Variants in SH3RF3 observed in about 807,000 individuals in gnomAD.
SH3RF3 encodes E3 ubiquitin-protein ligase SH3RF3.
A neutral mutation model predicts 66.3 loss-of-function variants in SH3RF3; 29 were observed. The observed-to-expected ratio is 0.44, with a 90% CI of 0.33 to 0.60. The LOEUF (loss-of-function observed/expected upper bound fraction) is 0.60. SH3RF3 is among the 20% of genes least tolerant of loss of function. The pLI is 0.04. For synonymous variants in SH3RF3, 583 were observed against 532.0 expected (o/e 1.10, Z -1.32); for missense variants, 1,194 against 1,190.9 (o/e 1.00, Z -0.04).
At chr2:109,456,163 GA>G (rs938868669) in intron 8 of SH3RF3, among the ~76,000 whole-genome samples, 6 of 152,196 alleles carry the variant, frequency 3.9e-5, no homozygotes, top group African/African-American at 1.4e-4. Context: ...ATGGGCCATG[GA>G]AACCACCTCT....
chr2:109,129,582 C>G lies in SH3RF3; in HGVS notation c.42C>G (p.Ala14=), dbSNP rs189197650. 1.6e-3 allele frequency: 2,400 copies of G among 1,483,766 alleles called. 43 individuals are homozygous for G. In the African/African-American group the frequency reaches 0.032, roughly 20 times the overall value. 91.9% of individuals were successfully genotyped at this position (1,483,766 alleles called of 1,614,324 possible). ...GASWLCASKA[A]AAAAQSEGDE... is the part of the protein sequence containing the mutation. ...CCTGGCTGTGCGCATCCAAGGCGGC[C>G]GCCGCTGCTGCGCAGAGCGAGGGCG... Residue 14 remains alanine (A), a synonymous_variant, in exon 1 of 10, where the codon GCC becomes GCG. Coordinates refer to ENST00000309415, the MANE Select transcript of SH3RF3 (RefSeq NM_001099289.3).
chr2:109,440,309 C>T (rs1677525153), intron 7 of SH3RF3, among the ~76,000 whole-genome samples: 2 of 152,128 alleles, frequency 1.3e-5, no homozygotes, highest in Admixed American at 6.5e-5. Flanking sequence ...AGCTCTTGGG[C>T]CGCCGAGGCC....
At chr2:109,424,441 C>A (rs190846499) in intron 5 of SH3RF3, among the ~76,000 whole-genome samples, 1 of 151,978 alleles carries the variant, frequency 6.6e-6, no homozygotes, top group Non-Finnish European at 1.5e-5. Flanking sequence ...AACCTCATTT[C>A]ATCGCACTTC....
chr2:109,143,767 C>CAAAACA (rs201205812), intron 1 of SH3RF3, among the ~76,000 whole-genome samples: 2 of 44,046 alleles, frequency 4.5e-5, no homozygotes, highest in Admixed American at 2.0e-4. Context: ...CAAAACAAAA[C>CAAAACA]AAACAAACAA....
chr2:109,240,942 C>G (rs1424338697), intron 1 of SH3RF3, among the ~76,000 whole-genome samples: 1 of 147,488 alleles, frequency 6.8e-6, no homozygotes, highest in Non-Finnish European at 1.5e-5. Flanking sequence ...TCTTCTTTCT[C>G]CCTCACCTCC....
chr2:109,463,922 T>A (rs1678270713), intron 8 of SH3RF3, among the ~76,000 whole-genome samples: 1 of 151,796 alleles, frequency 6.6e-6, no homozygotes, highest in South Asian at 2.1e-4. Flanking sequence ...ACATTTAGAG[T>A]CTTCTCTTAG....
intron 3 of SH3RF3, among the ~76,000 whole-genome samples, chr2:109,394,179 T>C (rs1191941454): frequency 2.6e-5 from 4 of 152,258 alleles, no homozygotes; most frequent in Non-Finnish European, 4.4e-5. Flanking sequence ...TAGACAGTTC[T>C]GTGGTTGGAA....
chr2:109,393,518 A>G (rs887432881), intron 3 of SH3RF3, among the ~76,000 whole-genome samples: 1 of 152,178 alleles, frequency 6.6e-6, no homozygotes, highest in African/African-American at 2.4e-5. Context: ...AGCAGAGCCC[A>G]GGACACAGTA....
At chr2:109,250,453 C>G (rs755872509) in intron 1 of SH3RF3, among the ~76,000 whole-genome samples, 6 of 151,596 alleles carry the variant, frequency 4.0e-5, no homozygotes, top group Admixed American at 3.9e-4. Context: ...TTGATATACT[C>G]GGAAAACTTA....
intron 1 of SH3RF3, among the ~76,000 whole-genome samples, chr2:109,334,796 C>G (rs955115580): frequency 2.0e-5 from 3 of 152,018 alleles, no homozygotes; most frequent in Non-Finnish European, 2.9e-5. Context: ...TTTTCTCTCT[C>G]CTTCTCCAAC....
At chr2:109,147,557 A>G (rs1382728503) in intron 1 of SH3RF3, among the ~76,000 whole-genome samples, 1 of 152,228 alleles carries the variant, frequency 6.6e-6, no homozygotes, top group Non-Finnish European at 1.5e-5. Context: ...AGTACCGTAA[A>G]TGGTCCAAAA....
chr2:109,232,248 C>G (rs1026480439), intron 1 of SH3RF3, among the ~76,000 whole-genome samples: 6 of 152,234 alleles, frequency 3.9e-5, no homozygotes, highest in African/African-American at 1.4e-4. Context: ...AGGAGAATTA[C>G]AGTTCCCCAT....
At chr2:109,337,360 A>G (rs1200402503) in intron 1 of SH3RF3, among the ~76,000 whole-genome samples, 1 of 152,196 alleles carries the variant, frequency 6.6e-6, no homozygotes, top group Non-Finnish European at 1.5e-5. Flanking sequence ...CCCTGCTCCC[A>G]TCTGTCCTGT....
At chr2:109,449,111 A>G in intron 7 of SH3RF3, 59 bp from the exon 8 acceptor site, 1 of 1,540,954 alleles carries the variant, frequency 6.5e-7, no homozygotes, top group Non-Finnish European at 8.8e-7. Context: ...GCTGCCTGGC[A>G]GGCATGGCAA....
intron 1 of SH3RF3, among the ~76,000 whole-genome samples, chr2:109,181,227 G>A (rs1678066548): frequency 6.6e-6 from 1 of 152,084 alleles, no homozygotes; most frequent in Non-Finnish European, 1.5e-5. Flanking sequence ...TGGAAAAGTT[G>A]AGAAAACAGA....
At chr2:109,148,572 A>G (rs1284597338) in intron 1 of SH3RF3, among the ~76,000 whole-genome samples, 2 of 152,216 alleles carry the variant, frequency 1.3e-5, no homozygotes, top group African/African-American at 4.8e-5. Context: ...GATGAGTAAT[A>G]GACCCCATTA....
chr2:109,159,522 C>T (rs951700797), intron 1 of SH3RF3, among the ~76,000 whole-genome samples: 6 of 152,192 alleles, frequency 3.9e-5, no homozygotes, highest in African/African-American at 1.4e-4. Flanking sequence ...CCTTGTTGCT[C>T]ACAGCTTATT....
chr2:109,257,125 G>A (rs1048366230), intron 1 of SH3RF3, among the ~76,000 whole-genome samples: 13 of 152,206 alleles, frequency 8.5e-5, no homozygotes, highest in African/African-American at 3.1e-4. Context: ...AATCCCTCAT[G>A]TCCACTCTGC....
At chr2:109,333,047 G>A (rs773977274) in intron 1 of SH3RF3, among the ~76,000 whole-genome samples, 5 of 152,238 alleles carry the variant, frequency 3.3e-5, no homozygotes, top group African/African-American at 4.8e-5. Flanking sequence ...ATGCGCGTGA[G>A]TGCAGAGCTG....
Sources: allele counts gnomAD v4.1 joint callset (sites outside exome capture counted in the v4.1 genomes callset), GRCh38; gene constraint gnomAD v4.1.1; transcripts MANE v1.5; gene names NCBI Gene and HGNC (gene_info 2026-07-23, HGNC 2026-07-21).